Variants in UNC13C observed in about 807,000 individuals in gnomAD.
UNC13C encodes the protein unc-13 homolog C.
Under a neutral mutation model 245.4 loss-of-function variants are expected in UNC13C, and 174 were observed. That is an observed-to-expected ratio of 0.71 (90% CI 0.63 to 0.80). The LOEUF is 0.80. Ranked by LOEUF, UNC13C falls within the 30% of genes least tolerant of loss-of-function variation. The pLI, the probability that UNC13C is intolerant of heterozygous loss-of-function variation, is 0.00. For missense variants in UNC13C, 2,829 were observed against 2,602.9 expected, an observed-to-expected ratio of 1.09 and a Z score of -1.89; for synonymous variants, 992 against 895.1, an observed-to-expected ratio of 1.11 and a Z score of -1.93.
At chr15:53,950,074 A>C in the UNC13C span, among the ~76,000 whole-genome samples, 25 of 152,272 alleles carry the variant, frequency 1.6e-4, no homozygotes, top group Admixed American at 7.8e-4. Context: ...GTACCTTATA[A>C]AAGTACATGT....
At chr15:54,252,324 A>G (rs1555438233) in intron 8 of UNC13C, among the ~76,000 whole-genome samples, 1 of 152,176 alleles carries the variant, frequency 6.6e-6, no homozygotes, top group Non-Finnish European at 1.5e-5. Context: ...CCATTTCTTA[A>G]AACAACATTT....
At chr15:54,315,818 A>C (rs971545791) in intron 13 of UNC13C, among the ~76,000 whole-genome samples, 4 of 151,800 alleles carry the variant, frequency 2.6e-5, no homozygotes, top group Admixed American at 6.6e-5. Flanking sequence ...TAGAACCTTG[A>C]AACTTAACCT....
At chr15:54,391,117 CTT>C (rs1430518831) in intron 17 of UNC13C, among the ~76,000 whole-genome samples, 4 of 152,024 alleles carry the variant, frequency 2.6e-5, no homozygotes, top group African/African-American at 4.8e-5. Context: ...CCATGTCACT[CTT>C]TGCAAAAATG....
At chr15:54,031,227 G>A (rs549364784) in intron 2 of UNC13C, among the ~76,000 whole-genome samples, 1 of 152,244 alleles carries the variant, frequency 6.6e-6, no homozygotes, top group South Asian at 2.1e-4. Flanking sequence ...AAGATATTTA[G>A]GCATTGGAAA....
chr15:53,897,244 C>G, the UNC13C span, among the ~76,000 whole-genome samples: 1 of 152,172 alleles, frequency 6.6e-6, no homozygotes. Context: ...AGGAGACAAT[C>G]AAGCTCATTG....
intron 17 of UNC13C, among the ~76,000 whole-genome samples, chr15:54,349,266 C>T (rs900446489): frequency 6.0e-5 from 9 of 151,016 alleles, no homozygotes; most frequent in African/African-American, 2.2e-4. Context: ...AGTATATTGC[C>T]ATGTCTTATG....
intron 13 of UNC13C, among the ~76,000 whole-genome samples, chr15:54,319,117 A>G (rs2038083977): frequency 6.6e-6 from 1 of 151,880 alleles, no homozygotes; most frequent in Non-Finnish European, 1.5e-5. Flanking sequence ...TCTGGGTAAT[A>G]ACCCCCTTGT....
chr15:54,456,177 T>C, intron 19 of UNC13C, among the ~76,000 whole-genome samples: 1 of 152,206 alleles, frequency 6.6e-6, no homozygotes, highest in Non-Finnish European at 1.5e-5. Context: ...TGGCCTCACT[T>C]CTGGGTTCTC....
At chr15:54,325,462 C>T (rs1253346326) in intron 14 of UNC13C, among the ~76,000 whole-genome samples, 5 of 151,970 alleles carry the variant, frequency 3.3e-5, no homozygotes, top group African/African-American at 7.2e-5. Flanking sequence ...GCACAACGTG[C>T]AGTTTTGTTA....
chr15:54,597,748 CATTA>C (rs1899177514), intron 30 of UNC13C, among the ~76,000 whole-genome samples: 2 of 152,094 alleles, frequency 1.3e-5, no homozygotes, highest in Non-Finnish European at 2.9e-5. Context: ...AGACTACTAA[CATTA>C]ATGATGATTT....
chr15:54,167,620 A>G (rs1175544766), intron 4 of UNC13C, among the ~76,000 whole-genome samples: 15 of 149,200 alleles, frequency 1.0e-4, no homozygotes, highest in Admixed American at 4.7e-4. Flanking sequence ...AAAAAAAAAA[A>G]AAAAGAAACA....
At chr15:54,585,076 T>C (rs545426902) in intron 30 of UNC13C, among the ~76,000 whole-genome samples, 1 of 152,332 alleles carries the variant, frequency 6.6e-6, no homozygotes, top group Non-Finnish European at 1.5e-5. Context: ...TAATGAAGTC[T>C]AATAGAACCT....
intron 24 of UNC13C, among the ~76,000 whole-genome samples, chr15:54,519,210 A>T (rs946648972): frequency 6.6e-5 from 10 of 152,138 alleles, no homozygotes; most frequent in African/African-American, 2.4e-4. Flanking sequence ...CATGAAGTAG[A>T]GGAATAGTGT....
At chr15:54,032,557 A>G (rs1050734581) in intron 2 of UNC13C, among the ~76,000 whole-genome samples, 6 of 152,214 alleles carry the variant, frequency 3.9e-5, no homozygotes, top group Non-Finnish European at 7.3e-5. Context: ...ACAGTAGACA[A>G]CAAAGGAAGA....
At chr15:54,531,227 A>G (rs1485001393) in intron 25 of UNC13C, among the ~76,000 whole-genome samples, 1 of 152,184 alleles carries the variant, frequency 6.6e-6, no homozygotes, top group Non-Finnish European at 1.5e-5. Context: ...GAGAACCACC[A>G]GTATATAGAT....
intron 4 of UNC13C, among the ~76,000 whole-genome samples, chr15:54,208,662 A>T (rs2034787913): frequency 1.3e-5 from 2 of 152,124 alleles, no homozygotes; most frequent in South Asian, 4.1e-4. Context: ...ACCAGAATAA[A>T]GGGAATTGGA....
At chr15:54,626,302 T>C (rs1229280266) in intron 32 of UNC13C, among the ~76,000 whole-genome samples, 1 of 99,216 alleles carries the variant, frequency 1.0e-5, no homozygotes, top group African/African-American at 2.8e-5. Context: ...ATTGATTTAC[T>C]CTGGATGGAG....
At chr15:54,505,445 G>A (rs1894429100) in intron 22 of UNC13C, among the ~76,000 whole-genome samples, 1 of 152,190 alleles carries the variant, frequency 6.6e-6, no homozygotes, top group Non-Finnish European at 1.5e-5. Flanking sequence ...ATTTAGGATA[G>A]GACCAAATAA....
At chr15:54,462,545 T>C (rs1891905134) in intron 19 of UNC13C, among the ~76,000 whole-genome samples, 1 of 152,210 alleles carries the variant, frequency 6.6e-6, no homozygotes, top group Non-Finnish European at 1.5e-5. Context: ...GCCCACACTT[T>C]GAGCAACTGG....
Sources: gnomAD v4.1 joint callset for allele counts (sites outside exome capture counted in the v4.1 genomes callset) on GRCh38, gnomAD v4.1.1 for gene constraint, MANE v1.5 for transcripts, NCBI Gene and HGNC (gene_info 2026-07-23, HGNC 2026-07-21) for gene names.